The following TAFA5 variants were observed in gnomAD, a reference collection of about 807,000 sequenced individuals.
TAFA5 encodes the protein TAFA chemokine like family member 5.
TAFA5 carries 6 observed loss-of-function variants against 15.3 expected under a neutral mutation model. The observed-to-expected ratio is 0.39, with a 90% CI of 0.21 to 0.77. The LOEUF is 0.77. TAFA5 is among the 30% of genes least tolerant of loss of function. The probability of loss-of-function intolerance (pLI) is 0.41; values close to 1 mark genes in which losing one functional copy is unlikely to be tolerated. For missense variants in TAFA5, 161 were observed against 193.1 expected (o/e 0.83, Z 0.98); for synonymous variants, 103 against 80.7 (o/e 1.28, Z -1.48).
chr22:48,630,970 C>T (rs113552023), intron 1 of TAFA5, among the ~76,000 whole-genome samples: 474 of 152,306 alleles, frequency 3.1e-3, no homozygotes, highest in Non-Finnish European at 4.5e-3. Context: ...TCACCGAGGA[C>T]AGGGGAACTC....
At chr22:48,576,672 G>T (rs1923819951) in intron 1 of TAFA5, 4 of 1,209,110 alleles carry the variant, frequency 3.3e-6, no homozygotes, top group Non-Finnish European at 4.2e-6. Flanking sequence ...CTGCCGCCGC[G>T]CTCGGCTGAG....
chr22:48,739,899 C>T (rs538849555), intron 3 of TAFA5, among the ~76,000 whole-genome samples: 1 of 152,290 alleles, frequency 6.6e-6, no homozygotes, highest in African/African-American at 2.4e-5. Flanking sequence ...TGGTCTATGG[C>T]AGCAATCTGG....
At position 48,490,670 on chromosome 22, in the gene TAFA5, G is replaced by T. The variant is rs1298772956; in HGVS notation, c.112+966G>T. 2.6e-5 allele frequency among the ~76,000 whole-genome samples: 4 copies of T among 151,804 alleles called. No individual in the cohort carries two copies. The highest frequency in any genetic ancestry group is 2.6e-4 in the Admixed American group (4 of 15,246). On this transcript the variant is annotated intron_variant, in intron 1 of 3. Transcript: ENST00000402357. The surrounding 1 kb of genome is among the most constrained non-coding windows in gnomAD (Gnocchi z 5.8). ...GGGCTGGTCGGCTTCAGCTCCGGGA[G>T]CTCCGGGCTTCTTGTCTTCAGCGGG...
chr22:48,662,576 A>G (rs942725975), intron 2 of TAFA5, among the ~76,000 whole-genome samples: 40 of 152,124 alleles, frequency 2.6e-4, no homozygotes, highest in African/African-American at 9.2e-4. Context: ...GTGTATGTGC[A>G]GCGATGCTCT....
At chr22:48,601,080 C>T (rs372164955) in intron 1 of TAFA5, among the ~76,000 whole-genome samples, 6 of 152,206 alleles carry the variant, frequency 3.9e-5, no homozygotes, top group East Asian at 3.8e-4. Flanking sequence ...CACGTGTACA[C>T]GGCTTTAACT....
At chr22:48,536,028 GC>G (rs1243359767) in intron 1 of TAFA5, among the ~76,000 whole-genome samples, 3 of 152,222 alleles carry the variant, frequency 2.0e-5, no homozygotes, top group African/African-American at 7.2e-5. Flanking sequence ...CCCCAGGAGT[GC>G]CCGTGTTGTC....
rs151293087 is a variant in TAFA5, at chr22:48,552,007, G to A, written c.112+62303G>A. On this transcript the variant is annotated intron_variant, in intron 1 of 3. Coordinates refer to ENST00000402357, the MANE Select transcript of TAFA5 (RefSeq NM_001082967.3). The surrounding 1 kb of genome is among the most constrained non-coding windows in gnomAD (Gnocchi z 4.1). ...TGCGGGAAGGCAGTGCTGGCCCCAC[G>A]CCCTGCGATGGCCGTTCAGCTCTGA... is the stretch of plus-strand genomic sequence containing the variant. Among the ~76,000 whole-genome samples the A allele has an allele frequency of 9.0e-3, 1,377 of 152,338 alleles. 12 individuals are homozygous for A. The highest frequency in any genetic ancestry group is 0.024 in the South Asian group (115 of 4,826).
chr22:48,525,235 T>A (rs1295812468), intron 1 of TAFA5, among the ~76,000 whole-genome samples: 1 of 152,150 alleles, frequency 6.6e-6, no homozygotes, highest in Non-Finnish European at 1.5e-5. Flanking sequence ...GGAGATGAGC[T>A]TCTTTGGGGA....
At chr22:48,563,230 G>A (rs1024596530) in intron 1 of TAFA5, among the ~76,000 whole-genome samples, 6 of 152,158 alleles carry the variant, frequency 3.9e-5, no homozygotes, top group Admixed American at 3.3e-4. Context: ...GTGGCCCCTC[G>A]TCCCGGGTGC....
At chr22:48,682,810 G>T (rs79603161) in intron 2 of TAFA5, among the ~76,000 whole-genome samples, 5 of 151,668 alleles carry the variant, frequency 3.3e-5, no homozygotes, top group South Asian at 2.1e-4. Flanking sequence ...GTTTTTTTTT[G>T]TGCGTGTGTT....
At chr22:48,590,243 T>G (rs1037929443) in intron 1 of TAFA5, among the ~76,000 whole-genome samples, 14 of 152,168 alleles carry the variant, frequency 9.2e-5, no homozygotes, top group Non-Finnish European at 2.1e-4. Context: ...AGATCGGGGT[T>G]GGGGTGGCCA....
intron 1 of TAFA5, among the ~76,000 whole-genome samples, chr22:48,541,245 C>T (rs2147119113): frequency 6.6e-6 from 1 of 152,200 alleles, no homozygotes; most frequent in Middle Eastern, 3.4e-3. Flanking sequence ...GTGCAGGGAC[C>T]TGGAGACCCC....
intron 3 of TAFA5, among the ~76,000 whole-genome samples, chr22:48,722,096 A>G (rs150297250): frequency 1.1e-3 from 161 of 152,282 alleles, no homozygotes; most frequent in African/African-American, 3.5e-3. Context: ...CTAGTTCTAG[A>G]TCCTTGAGGA....
chr22:48,594,281 G>C (rs1050766973), intron 1 of TAFA5, among the ~76,000 whole-genome samples: 4 of 152,242 alleles, frequency 2.6e-5, no homozygotes, highest in African/African-American at 9.6e-5. Flanking sequence ...GGCTTTGGCT[G>C]TCTGACCCAC....
At chr22:48,607,189 G>T (rs148494928) in intron 1 of TAFA5, among the ~76,000 whole-genome samples, 1 of 151,730 alleles carries the variant, frequency 6.6e-6, no homozygotes. Flanking sequence ...TCTGATTAGG[G>T]CTGGCCCACC....
At chr22:48,610,807 C>T (rs1415675825) in intron 1 of TAFA5, among the ~76,000 whole-genome samples, 1 of 152,196 alleles carries the variant, frequency 6.6e-6, no homozygotes, top group Non-Finnish European at 1.5e-5. Context: ...CCGAGCTGTC[C>T]CTGCTGCAGC....
At chr22:48,735,360 C>G (rs989934629) in intron 3 of TAFA5, among the ~76,000 whole-genome samples, 1 of 152,158 alleles carries the variant, frequency 6.6e-6, no homozygotes, top group Non-Finnish European at 1.5e-5. Flanking sequence ...GCCAGCGTGT[C>G]TCATAACCTT....
rs143441293 is a variant in TAFA5 at position 48,579,205 on chromosome 22, G to A, written c.113-67392G>A. 9.8e-3 allele frequency among the ~76,000 whole-genome samples: 1,490 copies of A among 152,282 alleles called. 17 individuals carry two copies. Among genetic ancestry groups the A allele is most frequent in the Middle Eastern group, 0.027 (8 of 294 alleles). ...GTGAACCGAGAGAGAGGCAAATTGC[G>A]GTCCATAATTGCAGCCTCGGTATGT... On this transcript the variant is annotated intron_variant, in intron 1 of 3. Transcript: ENST00000402357.
At chr22:48,637,066 T>C (rs1707778490) in intron 1 of TAFA5, among the ~76,000 whole-genome samples, 1 of 151,540 alleles carries the variant, frequency 6.6e-6, no homozygotes, top group Admixed American at 6.6e-5. Flanking sequence ...TCTGGGAGAG[T>C]GGAAGGGAGG....
Sources: allele counts gnomAD v4.1 joint callset (sites outside exome capture counted in the v4.1 genomes callset), GRCh38; gene constraint gnomAD v4.1.1; non-coding constraint Gnocchi (gnomAD v3.1); transcripts MANE v1.5; gene names NCBI Gene and HGNC (gene_info 2026-07-23, HGNC 2026-07-21).